HMCN1: variants seen among roughly 807,000 people sequenced by gnomAD.
HMCN1 encodes the protein hemicentin 1, also known as hemicentin-1.
In HMCN1, 321 loss-of-function variants were observed where a neutral mutation model predicts 625.9. The ratio of observed to expected loss-of-function variants is 0.51; its 90% CI spans 0.47 to 0.56. HMCN1 has a LOEUF of 0.56. Among genes scored for constraint, HMCN1 ranks in the 20% least tolerant of loss-of-function variants. The pLI is 0.00. For missense variants in HMCN1, 6,588 were observed against 6,887.3 expected (o/e 0.96, Z 1.54); for synonymous variants, 2,425 against 2,417.6 (o/e 1.00, Z -0.09).
chr1:186,130,083 G>T lies in HMCN1; in HGVS notation c.13022G>T (p.Gly4341Val). The T allele has an allele frequency of 6.2e-7, 1 of 1,613,142 alleles. No individual in the cohort carries two copies. Among genetic ancestry groups the T allele is most frequent in the Non-Finnish European group, 8.5e-7 (1 of 1,179,338 alleles). ...AGCGTTGGCTTTGTGAAGGCAATTG[G>T]ATTTGTTTATGTGAAAGGTAGGGAA... The part of the protein sequence containing the change: ...ENSVGFVKAI[G>V]FVYVKEPPVF... Residue 4341 changes from glycine (G) to valine (V), a missense_variant, in exon 84 of 107, where the codon GGA becomes GTA. By Grantham distance (109) the Gly-to-Val change is moderately radical. Around this residue, in one of 3 missense-constraint regions of HMCN1, gnomAD observed 1,954 missense variants for 2,013.1 expected, o/e 0.97. Transcript: ENST00000271588.
intron 97 of HMCN1, among the ~76,000 whole-genome samples, chr1:186,159,207 T>A (rs967796137): frequency 1.3e-5 from 2 of 151,964 alleles, no homozygotes; most frequent in African/African-American, 4.8e-5. Flanking sequence ...TGAATGGGAG[T>A]TCACTCATGA....
intron 93 of HMCN1, among the ~76,000 whole-genome samples, chr1:186,148,586 G>GCAA: frequency 6.6e-6 from 1 of 152,138 alleles, no homozygotes; most frequent in Non-Finnish European, 1.5e-5. Flanking sequence ...TCAGCTCACT[G>GCAA]CAACCTCTGG....
chr1:186,003,891 A>C (rs1653366182), intron 29 of HMCN1, 47 bp downstream of exon 29: 21 of 1,589,224 alleles, frequency 1.3e-5, no homozygotes, highest in Non-Finnish European at 1.6e-5. Context: ...TGATAGGAAA[A>C]AGATGTGAAA....
At chr1:185,959,855 T>C (rs1400853209) in intron 11 of HMCN1, among the ~76,000 whole-genome samples, 1 of 152,204 alleles carries the variant, frequency 6.6e-6, no homozygotes, top group Non-Finnish European at 1.5e-5. Flanking sequence ...TGGCAAATGA[T>C]GTTACTTCAT....
chr1:186,115,211 G>T, intron 74 of HMCN1, 47 bp from the exon 75 acceptor site: 2 of 1,604,626 alleles, frequency 1.2e-6, no homozygotes, highest in Non-Finnish European at 1.7e-6. Flanking sequence ...CAAATGGCAC[G>T]CTATTTGCTG....
At chr1:186,074,928 T>C in intron 53 of HMCN1, 37 bp downstream of exon 53, 1 of 1,503,252 alleles carries the variant, frequency 6.7e-7, no homozygotes, top group Non-Finnish European at 9.2e-7. Context: ...ATGTAATTTA[T>C]ATGATCTTTC....
Position 186,182,219 on chromosome 1 carries a change from C to A in HMCN1, c.16346C>A (p.Thr5449Asn). ...GCCTGCCAGCATGAGTGTAAGAATA[C>A]CTTTGGAAGTTATCAGTGCATCTGC... ...TDACQHECKN[T>N]FGSYQCICPP... The change falls in exon 105 of 107, where the codon ACC becomes AAC. Residue 5449 changes from threonine to asparagine, a missense_variant. By Grantham distance (65) the Thr-to-Asn change is moderately conservative. Around this residue, in one of 3 missense-constraint regions of HMCN1, gnomAD observed 1,954 missense variants for 2,013.1 expected, o/e 0.97. Coordinates refer to ENST00000271588, the MANE Select transcript of HMCN1 (RefSeq NM_031935.3). 2 of 1,613,304 alleles carry A rather than the reference C, an allele frequency of 1.2e-6. No homozygotes were observed. Among genetic ancestry groups the A allele is most frequent in the South Asian group, 2.2e-5 (2 of 91,070 alleles).
intron 10 of HMCN1, among the ~76,000 whole-genome samples, chr1:185,930,370 C>T (rs1667481836): frequency 6.6e-6 from 1 of 152,108 alleles, no homozygotes; most frequent in African/African-American, 2.4e-5. Context: ...CTTTAAGCTC[C>T]ACTCACTTCT....
chr1:186,152,652 CA>C, intron 95 of HMCN1, 97 bp from the exon 96 acceptor site: 2 of 1,476,360 alleles, frequency 1.4e-6, no homozygotes, highest in Non-Finnish European at 1.9e-6. Flanking sequence ...AGTTTGAACT[CA>C]AAAAGCATAG....
At chr1:186,104,925 T>C (rs970097030) in intron 69 of HMCN1, among the ~76,000 whole-genome samples, 4 of 152,138 alleles carry the variant, frequency 2.6e-5, no homozygotes, top group Non-Finnish European at 5.9e-5. Flanking sequence ...ACATTAGGAA[T>C]AGCATGGAGA....
At chr1:186,051,016 A>G (rs1469760525) in intron 42 of HMCN1, among the ~76,000 whole-genome samples, 1 of 152,076 alleles carries the variant, frequency 6.6e-6, no homozygotes, top group African/African-American at 2.4e-5. Flanking sequence ...TGAAGAGGGT[A>G]AAAGCAATGC....
intron 21 of HMCN1, 84 bp downstream of exon 21, chr1:185,989,731 G>T: frequency 8.0e-7 from 1 of 1,246,822 alleles, no homozygotes; most frequent in Non-Finnish European, 1.2e-6. Flanking sequence ...ACTGTTACCA[G>T]ATGCATGTAC....
At chr1:186,156,497 C>T (rs563877709) in intron 97 of HMCN1, among the ~76,000 whole-genome samples, 20 of 152,234 alleles carry the variant, frequency 1.3e-4, no homozygotes, top group African/African-American at 4.3e-4. Context: ...ACAAGGGTGA[C>T]GACTGCCTAG....
intron 11 of HMCN1, among the ~76,000 whole-genome samples, chr1:185,959,842 A>G (rs1406397996): frequency 1.3e-5 from 2 of 152,138 alleles, no homozygotes; most frequent in African/African-American, 4.8e-5. Context: ...TCAGTTTGTT[A>G]GTTGGCAAAT....
At chr1:186,148,935 C>CTTTTTTTTTTTTTTTTT (rs57126500) in intron 93 of HMCN1, among the ~76,000 whole-genome samples, 2 of 143,302 alleles carry the variant, frequency 1.4e-5, no homozygotes, top group Non-Finnish European at 3.1e-5. Context: ...TGAAAGGAAT[C>CTTTTTTTTTTTTTTTTT]TTTTTTTTTT....
At chr1:186,188,308 A>G (rs1653482608) in intron 106 of HMCN1, among the ~76,000 whole-genome samples, 1 of 152,170 alleles carries the variant, frequency 6.6e-6, no homozygotes, top group African/African-American at 2.4e-5. Context: ...ATGGAGTGAT[A>G]GAGCCTGCCT....
chr1:186,067,936 C>A lies in HMCN1; in HGVS notation c.7808C>A (p.Pro2603His). Residue 2603 changes from proline to histidine, a missense_variant, in exon 50 of 107, where the codon CCT (proline) becomes CAT (histidine). Physicochemically the swap from Pro to His is moderately conservative, Grantham distance 77. Coordinates refer to ENST00000271588, the MANE Select transcript of HMCN1 (RefSeq NM_031935.3). Reference sequence around the variant, plus strand: ...TTGGTCTGTGAAGCTTATTCATATCCTCCAGCTACCATCACCTGGTTTAAG... The same window carrying A: ...TTGGTCTGTGAAGCTTATTCATATCATCCAGCTACCATCACCTGGTTTAAG... ...TSLVCEAYSY[P>H]PATITWFKDG... The A allele has an allele frequency of 6.2e-7, 1 of 1,613,386 alleles. No homozygotes were observed. The highest frequency in any genetic ancestry group is 2.2e-5 in the East Asian group (1 of 44,842).
At position 185,989,788 on chromosome 1, in the gene HMCN1, T is replaced by TG. The variant is rs1652292800; in HGVS notation, c.3208+141_3208+142insG. ...CAGATTTCTATTTTTTTTTTTTTTTTTTTTTACAGAAATGCATTTTTTACT... is the reference window on the plus strand; with the variant it reads ...CAGATTTCTATTTTTTTTTTTTTTTTGTTTTTACAGAAATGCATTTTTTACT... On this transcript the variant is annotated intron_variant, in intron 21 of 106. Coordinates refer to ENST00000271588, the MANE Select transcript of HMCN1 (RefSeq NM_031935.3). The TG allele has an allele frequency of 2.4e-6, 2 of 843,954 alleles. 1 individual carries two copies. The highest frequency in any genetic ancestry group is 3.6e-5 in the South Asian group (2 of 55,764). 52.3% of individuals were successfully genotyped at this position (843,954 alleles called of 1,614,324 possible).
chr1:186,093,107 G>T, intron 64 of HMCN1, 27 bp from the exon 65 acceptor site: 2 of 1,612,760 alleles, frequency 1.2e-6, no homozygotes. Flanking sequence ...TCTCATCTCA[G>T]CCCCTCTGTT....
Sources: gnomAD v4.1 joint callset for allele counts (sites outside exome capture counted in the v4.1 genomes callset) on GRCh38, gnomAD v4.1.1 for gene constraint, gnomAD v4.1.1 regional missense constraint, MANE v1.5 for transcripts, NCBI Gene and HGNC (gene_info 2026-07-23, HGNC 2026-07-21) for gene names.